Variants in CTNNA2 observed in about 807,000 individuals in gnomAD.
CTNNA2 encodes catenin alpha-2.
In CTNNA2, 42 loss-of-function variants were observed where a neutral mutation model predicts 101.0. The ratio of observed to expected loss-of-function variants is 0.42; its 90% confidence interval spans 0.32 to 0.54. The LOEUF (loss-of-function observed/expected upper bound fraction) is 0.54. Ranked by LOEUF, CTNNA2 falls within the 20% of genes least tolerant of loss-of-function variation. CTNNA2 has a pLI of 0.14. For synonymous variants in CTNNA2, 450 were observed against 456.4 expected, an observed-to-expected ratio of 0.99 and a Z score of 0.18; for missense variants, 871 against 1,223.1, an observed-to-expected ratio of 0.71 and a Z score of 4.29.
intron 1 of CTNNA2, among the ~76,000 whole-genome samples, chr2:79,550,419 G>T (rs924210366): frequency 6.6e-6 from 1 of 152,154 alleles, no homozygotes; most frequent in Non-Finnish European, 1.5e-5. Context: ...ACCAGTGCAC[G>T]TCACTCTTAG....
chr2:80,404,586 A>G (rs575352187), intron 8 of CTNNA2, among the ~76,000 whole-genome samples: 6 of 152,134 alleles, frequency 3.9e-5, no homozygotes, highest in Non-Finnish European at 8.8e-5. Context: ...GGGAAAGGAG[A>G]AACAGGAAAA....
At chr2:80,534,381 A>G (rs995338782) in intron 9 of CTNNA2, among the ~76,000 whole-genome samples, 2 of 152,190 alleles carry the variant, frequency 1.3e-5, no homozygotes, top group African/African-American at 2.4e-5. Flanking sequence ...GAAAAGTTAT[A>G]CTTCCTCCTA....
rs567503005 is a variant in CTNNA2, at chr2:80,116,195, C to T, written c.1056+206398C>T. Among the ~76,000 whole-genome samples, 5 of 152,058 alleles carry T rather than the reference C, an allele frequency of 3.3e-5. No homozygotes were observed. In the South Asian group the frequency reaches 1.0e-3, roughly 32 times the overall value. On this transcript the variant is annotated intron_variant, in intron 7 of 18. Transcript: ENST00000402739. ...CCACTACATAAACAAGTGGGTATAGCTGTGTTCCAATAAAACTTAAGTAAC... is the reference window on the plus strand; with the variant it reads ...CCACTACATAAACAAGTGGGTATAGTTGTGTTCCAATAAAACTTAAGTAAC...
In CTNNA2 at chr2:80,317,927, A is replaced by G. The variant is rs150847195; in HGVS notation, c.1057-75284A>G. 2.6e-3 allele frequency among the ~76,000 whole-genome samples: 402 copies of G among 152,212 alleles called. 2 individuals carry two copies. The highest frequency in any genetic ancestry group is 9.1e-3 in the African/African-American group (378 of 41,522). ...GGTTGTTTTTCTCAAGAACCTCTAAATAAATGATGCCTATTTCCATATTCT... is the reference window on the plus strand; with the variant it reads ...GGTTGTTTTTCTCAAGAACCTCTAAGTAAATGATGCCTATTTCCATATTCT... On this transcript the variant is annotated intron_variant, in intron 7 of 18. Transcript: ENST00000402739.
intron 1 of CTNNA2, among the ~76,000 whole-genome samples, chr2:79,539,560 C>A (rs980202865): frequency 1.3e-5 from 2 of 152,138 alleles, no homozygotes; most frequent in African/African-American, 4.8e-5. Context: ...CTGATTTTAT[C>A]TTTATATTGT....
chr2:79,977,454 G>A (rs984680899), intron 7 of CTNNA2, among the ~76,000 whole-genome samples: 1 of 152,030 alleles, frequency 6.6e-6, no homozygotes, highest in Non-Finnish European at 1.5e-5. Flanking sequence ...CCCCCACCAC[G>A]AGAATGATCC....
In CTNNA2 at chr2:79,849,697, G is replaced by T. The variant is rs1013971575; in HGVS notation, c.299-8316G>T. ...AGCAAAGGAGTTGCTCCTTTCACTAGAACTTTCCTTTAGCAAATGTTTTGG... is the reference window on the plus strand; with the variant it reads ...AGCAAAGGAGTTGCTCCTTTCACTATAACTTTCCTTTAGCAAATGTTTTGG... On this transcript the variant is annotated intron_variant, in intron 3 of 18. Transcript: ENST00000402739. Among the ~76,000 whole-genome samples, 24 of 152,270 alleles carry T rather than the reference G, an allele frequency of 1.6e-4. 1 individual carries two copies. Among genetic ancestry groups the T allele is most frequent in the Admixed American group, 8.5e-4 (13 of 15,298 alleles).
chr2:80,105,772 C>G (rs993213847), intron 7 of CTNNA2, among the ~76,000 whole-genome samples: 4 of 151,940 alleles, frequency 2.6e-5, no homozygotes, highest in African/African-American at 4.8e-5. Flanking sequence ...CATCTAGAAA[C>G]CAGAATTATA....
At chr2:79,877,010 A>G (rs1442235760) in intron 6 of CTNNA2, among the ~76,000 whole-genome samples, 1 of 151,788 alleles carries the variant, frequency 6.6e-6, no homozygotes. Flanking sequence ...ACTATATTTT[A>G]TTAACTTTAA....
rs371923353 is a variant in CTNNA2 at position 79,874,302 on chromosome 2, C to G, written c.812C>G (p.Thr271Arg). 6.2e-7 allele frequency: 1 copy of G among 1,613,932 alleles called. No individual in the cohort carries two copies. The highest frequency in any genetic ancestry group is 8.5e-7 in the Non-Finnish European group (1 of 1,180,014). ...CCCACTGACGAAGCCAAGGGCCACA[C>G]GGGCATCGGCGAGCTGGCTGCGGCT... ...TSPTDEAKGH[T>R]GIGELAAALN... Residue 271 changes from threonine to arginine, a missense_variant, in exon 6 of 19, where the codon ACG becomes AGG. Physicochemically the swap from Thr to Arg is moderately conservative, Grantham distance 71 (BLOSUM62 -1). Transcript: ENST00000402739.
chr2:80,277,667 G>A (rs545050081), intron 7 of CTNNA2, among the ~76,000 whole-genome samples: 1 of 151,768 alleles, frequency 6.6e-6, no homozygotes, highest in African/African-American at 2.4e-5. Context: ...ATGAGAAAAT[G>A]TGAGACAGGA....
chr2:79,988,778 T>C (rs1015052561), intron 7 of CTNNA2, among the ~76,000 whole-genome samples: 8 of 152,324 alleles, frequency 5.3e-5, no homozygotes, highest in South Asian at 4.1e-4. Flanking sequence ...AATCAGTTCA[T>C]GAGCCCAGGA....
intron 3 of CTNNA2, among the ~76,000 whole-genome samples, chr2:79,787,168 T>C (rs1674906006): frequency 1.3e-5 from 2 of 152,194 alleles, no homozygotes; most frequent in Non-Finnish European, 2.9e-5. Context: ...CCGCCTTTCT[T>C]TGCATTGCCA....
intron 7 of CTNNA2, among the ~76,000 whole-genome samples, chr2:80,039,094 A>G (rs890833787): frequency 6.6e-6 from 1 of 152,160 alleles, no homozygotes; most frequent in Non-Finnish European, 1.5e-5. Context: ...TTTTGAGGAT[A>G]GAATTCAAGG....
At chr2:80,555,105 T>C (rs1692907991) in intron 11 of CTNNA2, among the ~76,000 whole-genome samples, 1 of 152,160 alleles carries the variant, frequency 6.6e-6, no homozygotes, top group Admixed American at 6.5e-5. Context: ...TAATCAGTTT[T>C]CCCATTGCAT....
At chr2:80,409,451 C>T (rs1459650500) in intron 8 of CTNNA2, among the ~76,000 whole-genome samples, 2 of 152,082 alleles carry the variant, frequency 1.3e-5, no homozygotes, top group East Asian at 1.9e-4. Context: ...TGTGTGAGGT[C>T]GTGTTGATCG....
intron 3 of CTNNA2, among the ~76,000 whole-genome samples, chr2:79,806,139 T>A (rs752318538): frequency 1.4e-4 from 22 of 152,078 alleles, no homozygotes; most frequent in Non-Finnish European, 2.6e-4. Flanking sequence ...TCAAATGCCA[T>A]GTTGCAGTAG....
chr2:79,860,274 T>C (rs1231378439), intron 4 of CTNNA2, among the ~76,000 whole-genome samples: 1 of 152,114 alleles, frequency 6.6e-6, no homozygotes, highest in Admixed American at 6.5e-5. Context: ...TTACATCTCA[T>C]ATGTCATTGT....
At chr2:79,786,999 C>G (rs1674894853) in intron 3 of CTNNA2, among the ~76,000 whole-genome samples, 1 of 152,014 alleles carries the variant, frequency 6.6e-6, no homozygotes, top group East Asian at 1.9e-4. Flanking sequence ...TCAATCCATG[C>G]CTTGGCATTA....
Sources: allele counts gnomAD v4.1 joint callset (sites outside exome capture counted in the v4.1 genomes callset), GRCh38; gene constraint gnomAD v4.1.1; transcripts MANE v1.5; gene names NCBI Gene and HGNC (gene_info 2026-07-23, HGNC 2026-07-21).